CENPC: variants seen among roughly 807,000 people sequenced by gnomAD.
The protein encoded by CENPC is CENP-C 1.
A neutral mutation model predicts 112.1 loss-of-function variants in CENPC; 63 were observed. The observed-to-expected ratio is 0.56, with a 90% CI of 0.46 to 0.69. The LOEUF (loss-of-function observed/expected upper bound fraction) is 0.69, where lower values mean the gene tolerates loss of function less well. CENPC is among the 30% of genes least tolerant of loss of function. The pLI is 0.00. For missense variants in CENPC, 1,000 were observed against 1,103.8 expected (o/e 0.91, Z 1.33); for synonymous variants, 333 against 367.6 (o/e 0.91, Z 1.08).
chr4:67,510,751 A>T (rs1019620122), intron 9 of CENPC: 2 of 312,010 alleles, frequency 6.4e-6, no homozygotes, highest in African/African-American at 4.4e-5. Context: ...CACGTACGAC[A>T]GGCAGGCTGG....
intron 4 of CENPC, among the ~76,000 whole-genome samples, chr4:67,537,188 C>T (rs569299214): frequency 6.6e-6 from 1 of 151,778 alleles, no homozygotes; most frequent in East Asian, 1.9e-4. Context: ...GAACAAATCC[C>T]TAAAAAAAGA....
chr4:67,484,427 C>T (rs1725033348), intron 17 of CENPC, among the ~76,000 whole-genome samples: 1 of 152,176 alleles, frequency 6.6e-6, no homozygotes, highest in Non-Finnish European at 1.5e-5. Flanking sequence ...TGGCAGTGGC[C>T]TGTTAGGAAT....
chr4:67,474,581 C>A, intron 18 of CENPC: 1 of 285,672 alleles, frequency 3.5e-6, no homozygotes, highest in Non-Finnish European at 6.6e-6. Flanking sequence ...GCCTGTAGTC[C>A]CAGCTACTCG....
rs768585540 is a variant in CENPC, at chr4:67,512,461, G to A, written c.1553C>T (p.Thr518Met). Residue 518 changes from threonine (T) to methionine (M), a missense_variant, in exon 9 of 19, where the codon ACG (threonine) becomes ATG (methionine). By Grantham distance (81) the Thr-to-Met change is moderately conservative. Transcript: ENST00000273853. ...LVPEEVTSTV[T>M]KSRRISRRPS... ...ACGCCTGGAAATTCTTCGACTTTTCGTGACAGTTGAAGTCACTTCTTCAGG... is the reference window on the plus strand; with the variant it reads ...ACGCCTGGAAATTCTTCGACTTTTCATGACAGTTGAAGTCACTTCTTCAGG... 1.1e-5 allele frequency: 18 copies of A among 1,601,086 alleles called. No individual in the cohort carries two copies. Among genetic ancestry groups the A allele is most frequent in the East Asian group, 4.5e-5 (2 of 44,542 alleles).
chr4:67,503,615 A>T, intron 12 of CENPC, among the ~76,000 whole-genome samples: 1 of 152,282 alleles, frequency 6.6e-6, no homozygotes, highest in East Asian at 1.9e-4. Context: ...ATAATTTTTC[A>T]TATTTAAGAA....
At chr4:67,474,277 G>A (rs1461300106) in intron 18 of CENPC, among the ~76,000 whole-genome samples, 1 of 152,082 alleles carries the variant, frequency 6.6e-6, no homozygotes, top group Non-Finnish European at 1.5e-5. Context: ...GTGTTAGCCA[G>A]GATGGTCTCG....
chr4:67,533,039 A>G (rs1335720806), intron 4 of CENPC, among the ~76,000 whole-genome samples: 1 of 152,234 alleles, frequency 6.6e-6, no homozygotes, highest in Non-Finnish European at 1.5e-5. Context: ...GTGTGGACAC[A>G]GTATCAGCAC....
chr4:67,519,767 G>A (rs1726170327), intron 5 of CENPC, among the ~76,000 whole-genome samples: 1 of 152,034 alleles, frequency 6.6e-6, no homozygotes, highest in Non-Finnish European at 1.5e-5. Context: ...GATATAGAGA[G>A]ATACAACATA....
intron 12 of CENPC, among the ~76,000 whole-genome samples, chr4:67,503,962 T>C (rs1725663997): frequency 6.6e-6 from 1 of 152,062 alleles, no homozygotes; most frequent in Non-Finnish European, 1.5e-5. Context: ...AGAATATGTA[T>C]TCATCTTTAT....
In CENPC at chr4:67,536,990, C is replaced by A. The variant is rs1726736864; in HGVS notation, c.231+2850G>T. 2.0e-5 allele frequency among the ~76,000 whole-genome samples: 3 copies of A among 148,114 alleles called. 1 individual carries two copies. In the South Asian group the frequency reaches 6.3e-4, roughly 31 times the overall value. ...ATCACTTAAGCCCAGGAGTTCTAAT[C>A]CAGCTTGGGCAACATACCAAGATCC... On this transcript the variant is annotated intron_variant, in intron 4 of 18. Transcript: ENST00000273853.
intron 5 of CENPC, 106 bp downstream of exon 5, chr4:67,530,709 T>C (rs913152946): frequency 8.3e-6 from 4 of 482,562 alleles, no homozygotes; most frequent in Non-Finnish European, 1.1e-5. Context: ...CACAATTCTG[T>C]CTAGGCTGAC....
Position 67,530,811 on chromosome 4 carries a change from C to A in CENPC, c.331+4G>T. The A allele has an allele frequency of 6.6e-7, 1 of 1,522,506 alleles. No homozygotes were observed. The highest frequency in any genetic ancestry group is 9.0e-7 in the Non-Finnish European group (1 of 1,113,558). The allele number at this position is 1,522,506 out of a possible 1,614,324, so 94.3% of individuals were successfully genotyped here. A position where few individuals can be genotyped will look rare whatever the true frequency, so the allele number is the denominator to read the frequency against. On this transcript the variant is annotated splice_donor_region_variant and intron_variant, in intron 5 of 18. Transcript: ENST00000273853. Reference sequence around the variant, plus strand: ...CAAATAATGCCCATGGAGATGGCACCAACCTGATCTGTTTGTGGCTTCACT... The same window carrying A: ...CAAATAATGCCCATGGAGATGGCACAAACCTGATCTGTTTGTGGCTTCACT...
At chr4:67,501,697 T>G (rs1725594434) in intron 12 of CENPC, among the ~76,000 whole-genome samples, 2 of 152,166 alleles carry the variant, frequency 1.3e-5, no homozygotes, top group African/African-American at 4.8e-5. Flanking sequence ...ATTTGTATGG[T>G]TCGAGGGTAG....
chr4:67,529,034 C>A (rs886964513), intron 5 of CENPC, among the ~76,000 whole-genome samples: 2 of 152,088 alleles, frequency 1.3e-5, no homozygotes, highest in Non-Finnish European at 2.9e-5. Flanking sequence ...AGTGGTATCT[C>A]CCTAGGGTCT....
chr4:67,510,964 A>C (rs1164567667), intron 9 of CENPC: 8 of 455,074 alleles, frequency 1.8e-5, no homozygotes, highest in Admixed American at 9.4e-5. Context: ...GTTCTGTAAG[A>C]ATTTATTTAC....
chr4:67,504,233 G>A (rs2109791687), intron 12 of CENPC, among the ~76,000 whole-genome samples: 1 of 151,952 alleles, frequency 6.6e-6, no homozygotes, highest in East Asian at 1.9e-4. Context: ...ACAATTTAGA[G>A]TATACTACAA....
chr4:67,539,966 A>G (rs763551894), intron 3 of CENPC, 32 bp from the exon 4 acceptor site: 2 of 1,191,888 alleles, frequency 1.7e-6, no homozygotes. Flanking sequence ...TTCAAAAACA[A>G]GATATAGTGT....
chr4:67,521,290 A>T (rs1726222699), intron 5 of CENPC, among the ~76,000 whole-genome samples: 1 of 151,888 alleles, frequency 6.6e-6, no homozygotes, highest in South Asian at 2.1e-4. Flanking sequence ...TAAATTTTAA[A>T]GCAAACATCA....
intron 12 of CENPC, among the ~76,000 whole-genome samples, chr4:67,503,158 C>T (rs982952213): frequency 6.6e-6 from 1 of 152,140 alleles, no homozygotes; most frequent in African/African-American, 2.4e-5. Flanking sequence ...TGTGATCTTT[C>T]ATTCTGTTGC....
Sources: allele counts gnomAD v4.1 joint callset (sites outside exome capture counted in the v4.1 genomes callset), GRCh38; gene constraint gnomAD v4.1.1; transcripts MANE v1.5; gene names NCBI Gene and HGNC (gene_info 2026-07-23, HGNC 2026-07-21).